Variants in NALF1 observed in about 807,000 individuals in gnomAD.
NALF1 encodes NALCN channel auxiliary factor 1, also known as family with sequence similarity 155 member A.
NALF1 carries 3 observed loss-of-function variants against 48.4 expected under a neutral mutation model. The ratio of observed to expected loss-of-function variants is 0.06; its 90% CI spans 0.03 to 0.16. The LOEUF (loss-of-function observed/expected upper bound fraction) is 0.16, where lower values mean the gene tolerates loss of function less well. NALF1 is among the 10% of genes least tolerant of loss of function. NALF1 has a pLI of 1.00. For synonymous variants in NALF1, 262 were observed against 245.7 expected (o/e 1.07, Z -0.62); for missense variants, 526 against 571.5 (o/e 0.92, Z 0.81).
intron 1 of NALF1, among the ~76,000 whole-genome samples, chr13:107,515,234 ATGATGACAG>A (rs1312054668): frequency 2.0e-5 from 3 of 152,220 alleles, no homozygotes; most frequent in Non-Finnish European, 4.4e-5. Context: ...TAGTTCCTGA[ATGATGACAG>A]TGATGACAGT....
At chr13:107,861,349 T>C (rs1315792927) in intron 1 of NALF1, among the ~76,000 whole-genome samples, 2 of 152,188 alleles carry the variant, frequency 1.3e-5, no homozygotes, top group African/African-American at 4.8e-5. Context: ...TGGTAGAATA[T>C]TAAAATGTTC....
At chr13:107,395,809 C>T (rs562319062) in intron 1 of NALF1, among the ~76,000 whole-genome samples, 2 of 152,176 alleles carry the variant, frequency 1.3e-5, no homozygotes, top group African/African-American at 4.8e-5. Context: ...GTAATTTTCC[C>T]TCTGTATGTG....
rs1555324293 is a variant in NALF1 at position 107,169,427 on chromosome 13, GT to G, written c.*1069del. ...ATATGTGTCCGCAATCCCTTTGTTT[GT>G]TCCCTGTAATTACAATGGCCAAAAT... On this transcript the variant is annotated 3_prime_UTR_variant, in exon 3 of 3. Transcript: ENST00000375915. 2 of 133,392 alleles carry G rather than the reference GT, an allele frequency of 1.5e-5. No individual in the cohort carries two copies. Among genetic ancestry groups the G allele is most frequent in the African/African-American group, 5.7e-5 (2 of 34,884 alleles). The allele number at this position is 133,392 out of a possible 1,614,324, so 8.3% of individuals were successfully genotyped here. A position where few individuals can be genotyped will look rare whatever the true frequency, so the allele number is the denominator to read the frequency against.
chr13:107,403,267 G>T (rs539820836), intron 1 of NALF1, among the ~76,000 whole-genome samples: 5 of 128,492 alleles, frequency 3.9e-5, no homozygotes, highest in Non-Finnish European at 7.8e-5. Flanking sequence ...GGGTGATTGT[G>T]AAAACAACTC....
intron 1 of NALF1, among the ~76,000 whole-genome samples, chr13:107,772,136 A>T (rs1363506651): frequency 1.3e-5 from 2 of 152,102 alleles, no homozygotes; most frequent in East Asian, 1.9e-4. Flanking sequence ...ATCTCCCCAT[A>T]TACACACGTA....
At chr13:107,417,521 A>AATCG in intron 1 of NALF1, among the ~76,000 whole-genome samples, 1 of 152,002 alleles carries the variant, frequency 6.6e-6, no homozygotes, top group South Asian at 2.1e-4. Context: ...TTTAATATTT[A>AATCG]ATTGTCTCAA....
At position 107,535,602 on chromosome 13, in the gene NALF1, C is replaced by A. The variant is rs150359112; in HGVS notation, c.916-324847G>T. The stretch of plus-strand genomic sequence containing the variant: ...GGACACAAACAAATGGAAGAACATT[C>A]CATGCTCATGGATATGAAGAATCAA... On this transcript the variant is annotated intron_variant, in intron 1 of 2. Coordinates refer to ENST00000375915, the MANE Select transcript of NALF1 (RefSeq NM_001080396.3). Among the ~76,000 whole-genome samples, 1,074 of 152,248 alleles carry A rather than the reference C, an allele frequency of 7.1e-3. 43 individuals carry two copies. The East Asian group carries it at 0.1, about 15-fold the overall frequency.
intron 1 of NALF1, among the ~76,000 whole-genome samples, chr13:107,813,665 A>G (rs1017890143): frequency 6.9e-6 from 1 of 145,694 alleles, no homozygotes; most frequent in Non-Finnish European, 1.5e-5. Context: ...GTGCATAAAG[A>G]AGACCAGCAA....
intron 1 of NALF1, among the ~76,000 whole-genome samples, chr13:107,575,824 G>A (rs1313133543): frequency 2.0e-5 from 3 of 152,044 alleles, no homozygotes; most frequent in East Asian, 1.9e-4. Context: ...CTTGGAGTCC[G>A]GATTTCAGTT....
chr13:107,188,460 C>A (rs1172885956), intron 2 of NALF1, among the ~76,000 whole-genome samples: 1 of 59,636 alleles, frequency 1.7e-5, no homozygotes, highest in East Asian at 6.1e-4. Context: ...TGACCATCTG[C>A]AGAAAGAATT....
At chr13:107,290,447 G>A (rs528190136) in intron 1 of NALF1, among the ~76,000 whole-genome samples, 6 of 152,152 alleles carry the variant, frequency 3.9e-5, no homozygotes, top group East Asian at 1.9e-4. Flanking sequence ...CATAGGGGCC[G>A]TTTCCCCCAT....
At chr13:107,864,523 A>G (rs918485969) in intron 1 of NALF1, among the ~76,000 whole-genome samples, 6 of 152,220 alleles carry the variant, frequency 3.9e-5, no homozygotes, top group African/African-American at 1.4e-4. Context: ...TTCTGCTTGT[A>G]TATGGGATTG....
Position 107,438,041 on chromosome 13 carries a change from C to T in NALF1, c.916-227286G>A, listed in dbSNP as rs532910526. 1.3e-4 allele frequency among the ~76,000 whole-genome samples: 20 copies of T among 152,132 alleles called. 2 individuals are homozygous for T. Among genetic ancestry groups the T allele is most frequent in the African/African-American group, 4.6e-4 (19 of 41,500 alleles). On this transcript the variant is annotated intron_variant, in intron 1 of 2. Transcript: ENST00000375915. ...CATATGTGATGGGTATGTGGACATC[C>T]AATGTATTTTTCAGTTTTTCTACAT...
intron 1 of NALF1, among the ~76,000 whole-genome samples, chr13:107,565,549 A>T (rs1877787341): frequency 6.6e-6 from 1 of 152,244 alleles, no homozygotes; most frequent in Non-Finnish European, 1.5e-5. Context: ...TATTTTGAGA[A>T]GAATGCAGTC....
chr13:107,210,360 A>G (rs899087515), intron 2 of NALF1, among the ~76,000 whole-genome samples: 2 of 152,300 alleles, frequency 1.3e-5, no homozygotes, highest in Non-Finnish European at 2.9e-5. Context: ...CACACAGTGA[A>G]TAACTGTGGT....
chr13:107,746,537 A>G (rs1353501244), intron 1 of NALF1, among the ~76,000 whole-genome samples: 1 of 152,222 alleles, frequency 6.6e-6, no homozygotes, highest in Non-Finnish European at 1.5e-5. Flanking sequence ...CCTTTAATTC[A>G]TTCACAACTT....
chr13:107,755,646 T>C (rs770910592), intron 1 of NALF1, among the ~76,000 whole-genome samples: 4 of 151,802 alleles, frequency 2.6e-5, no homozygotes, highest in Non-Finnish European at 5.9e-5. Context: ...CATATGTTGA[T>C]AGACAAAACA....
Position 107,468,625 on chromosome 13 carries a change from C to T in NALF1, c.916-257870G>A, listed in dbSNP as rs183058007. 9.6e-4 allele frequency among the ~76,000 whole-genome samples: 146 copies of T among 152,148 alleles called. No individual in the cohort carries two copies. In the Middle Eastern group the frequency reaches 0.014, roughly 14 times the overall value. On this transcript the variant is annotated intron_variant, in intron 1 of 2. Transcript: ENST00000375915. ...CTGACCAGACATAATTTTAAAGCTC[C>T]GGATATAAAATATGTAGTTTCTGAT... is the stretch of plus-strand genomic sequence containing the variant.
intron 1 of NALF1, among the ~76,000 whole-genome samples, chr13:107,573,033 G>C (rs895289956): frequency 6.6e-6 from 1 of 151,944 alleles, no homozygotes. Context: ...GCAACCATCC[G>C]GGACTCTTCC....
Sources: gnomAD v4.1 joint callset for allele counts (sites outside exome capture counted in the v4.1 genomes callset) on GRCh38, gnomAD v4.1.1 for gene constraint, MANE v1.5 for transcripts, NCBI Gene and HGNC (gene_info 2026-07-23, HGNC 2026-07-21) for gene names.